The following ASAP1 variants were observed in gnomAD, a reference collection of about 807,000 sequenced individuals.
ASAP1 encodes arf-GAP with SH3 domain, ANK repeat and PH domain-containing protein 1.
In ASAP1, 43 loss-of-function variants were observed where a neutral mutation model predicts 145.2. The ratio of observed to expected loss-of-function variants is 0.30; its 90% CI spans 0.23 to 0.38. The LOEUF (loss-of-function observed/expected upper bound fraction) is 0.38, where lower values mean the gene tolerates loss of function less well. Among genes scored for constraint, ASAP1 ranks in the 10% least tolerant of loss-of-function variants. ASAP1 has a pLI of 1.00. For missense variants in ASAP1, 1,018 were observed against 1,355.3 expected, an observed-to-expected ratio of 0.75 and a Z score of 3.91; for synonymous variants, 546 against 515.5, an observed-to-expected ratio of 1.06 and a Z score of -0.80.
chr8:130,089,836 TA>T (rs1419307880), intron 25 of ASAP1, among the ~76,000 whole-genome samples: 3 of 152,114 alleles, frequency 2.0e-5, no homozygotes, highest in South Asian at 2.1e-4. Context: ...AATCAAAATT[TA>T]AAAAAAAATT....
chr8:130,429,055 G>T (rs571444359), intron 1 of ASAP1, among the ~76,000 whole-genome samples: 1 of 152,332 alleles, frequency 6.6e-6, no homozygotes, highest in South Asian at 2.1e-4. Context: ...CATCACTGCA[G>T]TCACAGGGGT....
chr8:130,402,046 G>C, intron 1 of ASAP1, 76 bp from the exon 2 acceptor site: 4 of 987,500 alleles, frequency 4.1e-6, no homozygotes, highest in Non-Finnish European at 6.1e-6. Context: ...CTCAGACCAA[G>C]ATCGGATTTC....
At chr8:130,171,660 C>T (rs1813604013) in intron 9 of ASAP1, among the ~76,000 whole-genome samples, 1 of 152,150 alleles carries the variant, frequency 6.6e-6, no homozygotes, top group Non-Finnish European at 1.5e-5. Flanking sequence ...GCCAAACTCT[C>T]TTTTATCAAG....
At chr8:130,198,503 A>G (rs539925714) in intron 5 of ASAP1, among the ~76,000 whole-genome samples, 10 of 152,304 alleles carry the variant, frequency 6.6e-5, no homozygotes, top group African/African-American at 2.4e-4. Context: ...TCTGCAAGGC[A>G]GTCTCCATAA....
chr8:130,182,795 G>A (rs1361584750), intron 7 of ASAP1, among the ~76,000 whole-genome samples: 3 of 129,824 alleles, frequency 2.3e-5, no homozygotes, highest in Non-Finnish European at 4.7e-5. Context: ...CTAAAATATT[G>A]CATCTATGAA....
rs143276944 is a variant in ASAP1 at position 130,121,709 on chromosome 8, G to A, written c.1607+2304C>T. Among the ~76,000 whole-genome samples the A allele has an allele frequency of 8.2e-3, 1,226 of 149,578 alleles. 16 individuals are homozygous for A. Among genetic ancestry groups the A allele is most frequent in the African/African-American group, 0.029 (1,170 of 40,380 alleles). On this transcript the variant is annotated intron_variant, in intron 18 of 29. Transcript: ENST00000518721. ...TGCGACAGGAGAATCACTTGAACCC[G>A]GGAGGTGGAGGTTGCAGTGAGCAAA...
chr8:130,361,805 G>A (rs759339776), intron 2 of ASAP1: 103 of 1,427,514 alleles, frequency 7.2e-5, no homozygotes, highest in Non-Finnish European at 8.4e-5. Context: ...TGGGCAAAAC[G>A]TAAATGCTGG....
chr8:130,098,865 C>A (rs183196539), intron 24 of ASAP1, among the ~76,000 whole-genome samples: 5 of 152,106 alleles, frequency 3.3e-5, no homozygotes, highest in Admixed American at 3.3e-4. Flanking sequence ...TACAGTGTTA[C>A]AGAACACAGG....
chr8:130,255,861 G>A (rs1819481184), intron 3 of ASAP1, among the ~76,000 whole-genome samples: 1 of 152,160 alleles, frequency 6.6e-6, no homozygotes, highest in African/African-American at 2.4e-5. Flanking sequence ...ACATGTGAGT[G>A]CAATTTAGGA....
At chr8:130,082,420 T>G (rs1037220609) in intron 25 of ASAP1, among the ~76,000 whole-genome samples, 1 of 151,990 alleles carries the variant, frequency 6.6e-6, no homozygotes, top group South Asian at 2.1e-4. Context: ...CAGGCTGGTC[T>G]TGGACTCCTG....
intron 13 of ASAP1, 89 bp from the exon 14 acceptor site, chr8:130,137,127 A>G (rs1320058328): frequency 1.6e-5 from 17 of 1,036,814 alleles, no homozygotes; most frequent in East Asian, 2.4e-5. Context: ...TATGCTGTTC[A>G]TAAGGCCTGC....
At chr8:130,171,809 A>G (rs555763237) in intron 9 of ASAP1, among the ~76,000 whole-genome samples, 9 of 152,348 alleles carry the variant, frequency 5.9e-5, no homozygotes, top group South Asian at 4.1e-4. Flanking sequence ...CAGGCCATCT[A>G]TAAGTGTTAA....
At chr8:130,121,803 AAAAAAAAAAG>A (rs1163051573) in intron 18 of ASAP1, among the ~76,000 whole-genome samples, 1 of 150,336 alleles carries the variant, frequency 6.7e-6, no homozygotes, top group Non-Finnish European at 1.5e-5. Context: ...AAAAAAAAAA[AAAAAAAAAAG>A]AACATACGAT....
intron 1 of ASAP1, among the ~76,000 whole-genome samples, chr8:130,423,691 G>A (rs762378375): frequency 1.4e-4 from 22 of 152,176 alleles, no homozygotes; most frequent in African/African-American, 2.9e-4. Flanking sequence ...GTCACTGTTC[G>A]CAAAAACTAT....
chr8:130,172,344 G>T (rs926064684), intron 9 of ASAP1, among the ~76,000 whole-genome samples: 1 of 152,122 alleles, frequency 6.6e-6, no homozygotes, highest in African/African-American at 2.4e-5. Context: ...TTGCTCGGGT[G>T]ACAGGTACAC....
intron 2 of ASAP1, among the ~76,000 whole-genome samples, chr8:130,362,066 G>C (rs1032259852): frequency 6.6e-6 from 1 of 152,210 alleles, no homozygotes; most frequent in African/African-American, 2.4e-5. Context: ...AAAAAAGGCA[G>C]CAGGAACAGT....
chr8:130,357,967 G>A, intron 3 of ASAP1, 50 bp downstream of exon 3: 1 of 1,558,606 alleles, frequency 6.4e-7, no homozygotes, highest in South Asian at 1.2e-5. Context: ...TCCTCCAGCT[G>A]CGCGGCGGCA....
At chr8:130,237,851 C>G (rs1440820691) in intron 3 of ASAP1, among the ~76,000 whole-genome samples, 2 of 152,076 alleles carry the variant, frequency 1.3e-5, no homozygotes, top group Non-Finnish European at 2.9e-5. Flanking sequence ...CTTGTTAAAA[C>G]AATTTTAGGC....
intron 1 of ASAP1, among the ~76,000 whole-genome samples, chr8:130,403,554 C>CTTTTTTTTT (rs372481861): frequency 4.1e-4 from 52 of 125,386 alleles, no homozygotes; most frequent in African/African-American, 6.5e-4. Flanking sequence ...TTTTCTTTTT[C>CTTTTTTTTT]TTTTTTTTTT....
Sources: allele counts gnomAD v4.1 joint callset (sites outside exome capture counted in the v4.1 genomes callset), GRCh38; gene constraint gnomAD v4.1.1; transcripts MANE v1.5; gene names NCBI Gene and HGNC (gene_info 2026-07-23, HGNC 2026-07-21).